Variants in PRKG1 observed in about 807,000 individuals in gnomAD.
The protein encoded by PRKG1 is cGMP-dependent protein kinase 1.
In PRKG1, 35 loss-of-function variants were observed where a neutral mutation model predicts 88.1. That is an observed-to-expected ratio of 0.40 (90% CI 0.30 to 0.53). The LOEUF (loss-of-function observed/expected upper bound fraction) is 0.53, where lower values mean the gene tolerates loss of function less well. Ranked by LOEUF, PRKG1 falls within the 20% of genes least tolerant of loss-of-function variation. The pLI is 0.59. For synonymous variants in PRKG1, 303 were observed against 292.5 expected (o/e 1.04, Z -0.37); for missense variants, 540 against 839.8 (o/e 0.64, Z 4.41).
chr10:51,271,452 C>G (rs1839978345), intron 2 of PRKG1, among the ~76,000 whole-genome samples: 2 of 151,988 alleles, frequency 1.3e-5, no homozygotes, highest in African/African-American at 2.4e-5. Flanking sequence ...AAGTTTTGTC[C>G]TATAAATTGA....
intron 7 of PRKG1, among the ~76,000 whole-genome samples, chr10:52,068,803 G>A (rs1212338147): frequency 6.6e-6 from 1 of 152,162 alleles, no homozygotes; most frequent in Non-Finnish European, 1.5e-5. Flanking sequence ...TTGACTTTCA[G>A]CAAGCCAGTT....
chr10:51,321,055 G>A (rs1841441435), intron 2 of PRKG1, among the ~76,000 whole-genome samples: 1 of 140,406 alleles, frequency 7.1e-6, no homozygotes, highest in South Asian at 2.4e-4. Flanking sequence ...ACCACACAGA[G>A]ATTTAGAGGA....
In PRKG1 at chr10:52,285,590, T is replaced by G. The variant is rs1475793197; in HGVS notation, c.1710-3136T>G. 2.0e-5 allele frequency among the ~76,000 whole-genome samples: 3 copies of G among 152,244 alleles called. No individual in the cohort carries two copies. In the East Asian group the frequency reaches 5.8e-4, roughly 29 times the overall value. ...TCAGTTTGAGCTGATGTTTTCCATT[T>G]ATGTCAGCTGAAAGATGCAAAAGTA... is the stretch of plus-strand genomic sequence containing the variant. On this transcript the variant is annotated intron_variant, in intron 14 of 17. Coordinates refer to ENST00000373980, the MANE Select transcript of PRKG1 (RefSeq NM_006258.4).
intron 3 of PRKG1, among the ~76,000 whole-genome samples, chr10:51,794,246 A>C (rs1423378530): frequency 6.6e-6 from 1 of 152,156 alleles, no homozygotes; most frequent in Non-Finnish European, 1.5e-5. Context: ...CTGCAATAGG[A>C]TAATAGTAGA....
At chr10:51,207,615 G>C (rs1589244328) in intron 2 of PRKG1, among the ~76,000 whole-genome samples, 1 of 152,068 alleles carries the variant, frequency 6.6e-6, no homozygotes, top group African/African-American at 2.4e-5. Flanking sequence ...GCTCTGAAAA[G>C]TGTACAGCTT....
intron 7 of PRKG1, among the ~76,000 whole-genome samples, chr10:52,065,490 CA>C (rs1846334268): frequency 6.6e-6 from 1 of 150,704 alleles, no homozygotes; most frequent in African/African-American, 2.5e-5. Flanking sequence ...TTTTAAGCCA[CA>C]ATCAGATGAC....
intron 1 of PRKG1, among the ~76,000 whole-genome samples, chr10:51,065,432 A>C (rs1843737900): frequency 6.6e-6 from 1 of 152,130 alleles, no homozygotes; most frequent in Admixed American, 6.5e-5. Flanking sequence ...GACAGGAAGA[A>C]AACATAGTTA....
chr10:51,377,575 G>T (rs1842842336), intron 2 of PRKG1, among the ~76,000 whole-genome samples: 1 of 151,832 alleles, frequency 6.6e-6, no homozygotes, highest in Admixed American at 6.6e-5. Flanking sequence ...GTCATATCTG[G>T]TTATGTGTGT....
chr10:52,084,590 GATAT>G (rs1457825274), intron 7 of PRKG1, among the ~76,000 whole-genome samples: 1 of 151,836 alleles, frequency 6.6e-6, no homozygotes, highest in East Asian at 1.9e-4. Flanking sequence ...ATAATATACA[GATAT>G]ATACTTTTTT....
chr10:51,033,667 T>C (rs1843316428), intron 1 of PRKG1, among the ~76,000 whole-genome samples: 1 of 152,174 alleles, frequency 6.6e-6, no homozygotes, highest in Non-Finnish European at 1.5e-5. Flanking sequence ...TTAAATCACA[T>C]GTCTTAAAAG....
In PRKG1 at chr10:52,106,733, A is replaced by G. The variant is rs1847434406; in HGVS notation, c.936-27107A>G. ...TAATAATAATAATAATAATAATAAT[A>G]ATAATAATAATAATAAAGTAAATAA... On this transcript the variant is annotated intron_variant, in intron 7 of 17. Coordinates refer to ENST00000373980, the MANE Select transcript of PRKG1 (RefSeq NM_006258.4). Among the ~76,000 whole-genome samples, 4 of 148,204 alleles carry G rather than the reference A, an allele frequency of 2.7e-5. No individual in the cohort carries two copies. In the Admixed American group the frequency reaches 2.7e-4, roughly 10 times the overall value.
chr10:51,673,258 G>T (rs1840628099), intron 3 of PRKG1, among the ~76,000 whole-genome samples: 1 of 152,084 alleles, frequency 6.6e-6, no homozygotes, highest in Admixed American at 6.6e-5. Context: ...GTGCTAAGAA[G>T]AAAAATTAAG....
chr10:52,259,121 CA>C (rs57994383), intron 10 of PRKG1, among the ~76,000 whole-genome samples: 143 of 98,940 alleles, frequency 1.4e-3, no homozygotes, highest in Middle Eastern at 0.011. Context: ...TTAGACTTGC[CA>C]AAAAAAAAAA....
intron 3 of PRKG1, among the ~76,000 whole-genome samples, chr10:51,573,889 A>G (rs1837819401): frequency 6.6e-6 from 1 of 151,948 alleles, no homozygotes; most frequent in East Asian, 1.9e-4. Flanking sequence ...GATTAGCATT[A>G]GACTGGGTTG....
intron 7 of PRKG1, among the ~76,000 whole-genome samples, chr10:52,064,984 T>G (rs1284423807): frequency 1.3e-5 from 2 of 152,136 alleles, no homozygotes; most frequent in Admixed American, 6.6e-5. Context: ...ACATCTGGAT[T>G]CACTATGGGA....
intron 5 of PRKG1, among the ~76,000 whole-genome samples, chr10:51,948,840 G>C (rs541540822): frequency 9.9e-5 from 15 of 152,094 alleles, no homozygotes; most frequent in Non-Finnish European, 1.6e-4. Context: ...CTAAACTGTA[G>C]GGCAATCTTT....
At chr10:51,090,353 C>T (rs775363000) in intron 1 of PRKG1, among the ~76,000 whole-genome samples, 1 of 152,110 alleles carries the variant, frequency 6.6e-6, no homozygotes, top group Non-Finnish European at 1.5e-5. Context: ...CCAACACAAC[C>T]CAGCTTGGCT....
intron 4 of PRKG1, among the ~76,000 whole-genome samples, chr10:51,883,620 C>A (rs1042196382): frequency 2.0e-5 from 3 of 152,088 alleles, no homozygotes; most frequent in African/African-American, 7.2e-5. Flanking sequence ...TAGTTGTTAA[C>A]CAAACAACTG....
intron 3 of PRKG1, chr10:51,699,366 A>T (rs1274575575): frequency 6.2e-7 from 1 of 1,614,154 alleles, no homozygotes; most frequent in African/African-American, 1.3e-5. Flanking sequence ...TGGTATTCGC[A>T]GAAGCCATAG....
Sources: gnomAD v4.1 joint callset for allele counts (sites outside exome capture counted in the v4.1 genomes callset) on GRCh38, gnomAD v4.1.1 for gene constraint, MANE v1.5 for transcripts, NCBI Gene and HGNC (gene_info 2026-07-23, HGNC 2026-07-21) for gene names.